BCAS3: variants seen among roughly 807,000 people sequenced by gnomAD.
BCAS3 encodes the protein BCAS3 microtubule associated cell migration factor.
BCAS3 carries 53 observed loss-of-function variants against 116.1 expected under a neutral mutation model. The ratio of observed to expected loss-of-function variants is 0.46; its 90% CI spans 0.37 to 0.57. The LOEUF is 0.57. Ranked by LOEUF, BCAS3 falls within the 20% of genes least tolerant of loss-of-function variation. The probability of loss-of-function intolerance (pLI) is 0.00; values close to 1 mark genes in which losing one functional copy is unlikely to be tolerated. For missense variants in BCAS3, 917 were observed against 1,165.4 expected, an observed-to-expected ratio of 0.79 and a Z score of 3.10; for synonymous variants, 391 against 408.2, an observed-to-expected ratio of 0.96 and a Z score of 0.51.
intron 19 of BCAS3, among the ~76,000 whole-genome samples, chr17:61,044,465 A>AATATATATATATATATATATAT (rs1555683922): frequency 4.2e-5 from 5 of 120,114 alleles, no homozygotes; most frequent in African/African-American, 2.5e-4. Flanking sequence ...AAAAAAAAAA[A>AATATATATATATATATATATAT]ATATATATAT....
chr17:61,023,426 T>G lies in BCAS3; in HGVS notation c.1637+7525T>G, dbSNP rs980645714. On this transcript the variant is annotated intron_variant, in intron 16 of 23. Coordinates refer to ENST00000407086, the MANE Select transcript of BCAS3 (RefSeq NM_017679.5). The surrounding 1 kb of genome is among the most constrained non-coding windows in gnomAD (Gnocchi z 4.8). Reference sequence around the variant, plus strand: ...AGGTTTATAGAGTATGTTTATAAAATTTGTCTCTTAGATGCCACGTACTTC... The same window carrying G: ...AGGTTTATAGAGTATGTTTATAAAAGTTGTCTCTTAGATGCCACGTACTTC... Among the ~76,000 whole-genome samples the G allele has an allele frequency of 6.6e-6, 1 of 152,190 alleles. No homozygotes were observed. Among genetic ancestry groups the G allele is most frequent in the East Asian group, 1.9e-4 (1 of 5,198 alleles).
At position 61,056,382 on chromosome 17, in the gene BCAS3, G is replaced by A. The variant is rs948947704; in HGVS notation, c.2029+15490G>A. Among the ~76,000 whole-genome samples the A allele has an allele frequency of 3.3e-5, 5 of 152,254 alleles. No homozygotes were observed. The highest frequency in any genetic ancestry group is 1.2e-4 in the African/African-American group (5 of 41,548). Reference sequence around the variant, plus strand: ...GAAGTCAGTAATTTACTTGAAATATGTTGGGACAGGAAAAATAAAAGACTG... The same window carrying A: ...GAAGTCAGTAATTTACTTGAAATATATTGGGACAGGAAAAATAAAAGACTG... On this transcript the variant is annotated intron_variant, in intron 19 of 23. Transcript: ENST00000407086. This position sits in a 1 kb window ranked among gnomAD's most constrained non-coding sequence, Gnocchi z 4.9.
chr17:60,891,905 A>G (rs958328003), intron 10 of BCAS3, among the ~76,000 whole-genome samples: 2 of 151,730 alleles, frequency 1.3e-5, no homozygotes, highest in Non-Finnish European at 2.9e-5. Context: ...GCTATTTTTG[A>G]TTTTCTGTTT....
intron 22 of BCAS3, among the ~76,000 whole-genome samples, chr17:61,329,491 C>T (rs2056064375): frequency 6.6e-6 from 1 of 151,950 alleles, no homozygotes; most frequent in Non-Finnish European, 1.5e-5. Context: ...CAGGCGCCCG[C>T]CACCACGCCC....
chr17:61,268,910 AG>A (rs753313547), intron 22 of BCAS3, among the ~76,000 whole-genome samples: 37 of 152,026 alleles, frequency 2.4e-4, no homozygotes, highest in Non-Finnish European at 4.9e-4. Flanking sequence ...TGTCCTCAAG[AG>A]TCATCCATGT....
chr17:61,084,319 G>A lies in BCAS3; in HGVS notation c.2328-148G>A, dbSNP rs2072904936. 1.6e-6 allele frequency: 1 copy of A among 610,462 alleles called. No homozygotes were observed. The highest frequency in any genetic ancestry group is 2.8e-6 in the Non-Finnish European group (1 of 352,510). 37.8% of individuals were successfully genotyped at this position (610,462 alleles called of 1,614,324 possible). ...GTTTTATCCTTGTGCAGCAATTAGG[G>A]ACTGCAGCTCCCCTGTTTGTCTTGT... On this transcript the variant is annotated intron_variant, in intron 21 of 23. Coordinates refer to ENST00000407086, the MANE Select transcript of BCAS3 (RefSeq NM_017679.5). This position sits in a 1 kb window ranked among gnomAD's most constrained non-coding sequence, Gnocchi z 5.5.
rs112690345 is a variant in BCAS3, at chr17:61,080,904, A to G, written c.2327+2375A>G. On this transcript the variant is annotated intron_variant, in intron 21 of 23. Coordinates refer to ENST00000407086, the MANE Select transcript of BCAS3 (RefSeq NM_017679.5). ...TCTGCATTTTTTTTGTTCCAGCATA[A>G]TTCCTCCAGCTTTCTAAAAATGACA... is the stretch of plus-strand genomic sequence containing the variant. Among the ~76,000 whole-genome samples, 219 of 152,274 alleles carry G rather than the reference A, an allele frequency of 1.4e-3. 1 individual carries two copies. The highest frequency in any genetic ancestry group is 4.5e-3 in the African/African-American group (188 of 41,558).
At position 61,346,123 on chromosome 17, in the gene BCAS3, T is replaced by A. The variant is rs2057490944; in HGVS notation, c.2426-22204T>A. 6.6e-6 allele frequency among the ~76,000 whole-genome samples: 1 copy of A among 152,132 alleles called. No individual in the cohort carries two copies. The highest frequency in any genetic ancestry group is 1.5e-5 in the Non-Finnish European group (1 of 68,030). On this transcript the variant is annotated intron_variant, in intron 22 of 23. Transcript: ENST00000407086. This position sits in a 1 kb window ranked among gnomAD's most constrained non-coding sequence, Gnocchi z 5.4. ...AACAGCGGGGTAGGTGCCATAATCC[T>A]TGTTGAAGTCGAGGAGTTGACTTAG...
intron 22 of BCAS3, among the ~76,000 whole-genome samples, chr17:61,184,993 T>C: frequency 6.6e-6 from 1 of 152,150 alleles, no homozygotes; most frequent in African/African-American, 2.4e-5. Flanking sequence ...GATGGAAATA[T>C]TCTATATCTT....
Position 61,019,134 on chromosome 17 carries a change from C to T in BCAS3, c.1637+3233C>T, listed in dbSNP as rs547742583. Among the ~76,000 whole-genome samples, 48 of 152,298 alleles carry T rather than the reference C, an allele frequency of 3.2e-4. No homozygotes were observed. The highest frequency in any genetic ancestry group is 4.9e-4 in the Non-Finnish European group (33 of 68,034). On this transcript the variant is annotated intron_variant, in intron 16 of 23. Transcript: ENST00000407086. This position sits in a 1 kb window ranked among gnomAD's most constrained non-coding sequence, Gnocchi z 5.6. ...GTCCCTGGCCTGTTAGGAACTGAGC[C>T]GCACAGCAGGAGGTGAACAACAGGC...
At chr17:60,777,691 C>T (rs2045442190) in intron 6 of BCAS3, among the ~76,000 whole-genome samples, 1 of 152,070 alleles carries the variant, frequency 6.6e-6, no homozygotes, top group South Asian at 2.1e-4. Flanking sequence ...ACCCTCTCTC[C>T]ATGTGGCATT....
At chr17:60,976,997 C>T (rs1045294494) in intron 14 of BCAS3, among the ~76,000 whole-genome samples, 1 of 152,100 alleles carries the variant, frequency 6.6e-6, no homozygotes, top group Non-Finnish European at 1.5e-5. Flanking sequence ...GGGCTCCTCA[C>T]TTCCCAGACG....
At chr17:60,903,578 G>A (rs532618624) in intron 11 of BCAS3, among the ~76,000 whole-genome samples, 5 of 152,290 alleles carry the variant, frequency 3.3e-5, no homozygotes, top group African/African-American at 1.2e-4. Flanking sequence ...CTTCCAAGTA[G>A]CTGGGACTAC....
intron 9 of BCAS3, among the ~76,000 whole-genome samples, chr17:60,882,831 T>C: frequency 6.9e-6 from 1 of 143,900 alleles, no homozygotes; most frequent in Non-Finnish European, 1.5e-5. Flanking sequence ...ACCATGCTGT[T>C]TTGGTTACTG....
intron 11 of BCAS3, among the ~76,000 whole-genome samples, chr17:60,904,177 G>C (rs1331940408): frequency 6.6e-6 from 1 of 152,138 alleles, no homozygotes; most frequent in Non-Finnish European, 1.5e-5. Flanking sequence ...AGGCTGAGGT[G>C]GGCGGATCAT....
rs76083576 is a variant in BCAS3, at chr17:60,822,200, G to A, written c.476+14124G>A. ...TGGTTGTACAATTTTACATCTACAAGTGGTGTATGAAATTTCCAGTTTTTC... is the reference window on the plus strand; with the variant it reads ...TGGTTGTACAATTTTACATCTACAAATGGTGTATGAAATTTCCAGTTTTTC... On this transcript the variant is annotated intron_variant, in intron 7 of 23. Coordinates refer to ENST00000407086, the MANE Select transcript of BCAS3 (RefSeq NM_017679.5). Among the ~76,000 whole-genome samples the A allele has an allele frequency of 1.4e-3, 217 of 152,322 alleles. 1 individual carries two copies. The highest frequency in any genetic ancestry group is 5.0e-3 in the African/African-American group (208 of 41,562).
At chr17:60,910,482 A>T in intron 11 of BCAS3, 50 bp from the exon 12 acceptor site, 1 of 1,395,764 alleles carries the variant, frequency 7.2e-7, no homozygotes, top group Non-Finnish European at 9.6e-7. Context: ...ATTTCTATGT[A>T]GAATCCAAAT....
At chr17:60,759,378 G>A (rs2043293624) in intron 6 of BCAS3, among the ~76,000 whole-genome samples, 1 of 152,184 alleles carries the variant, frequency 6.6e-6, no homozygotes, top group South Asian at 2.1e-4. Flanking sequence ...ATACGTGCCT[G>A]TTAGGTCTGT....
intron 19 of BCAS3, among the ~76,000 whole-genome samples, chr17:61,055,332 T>G (rs2069266881): frequency 6.6e-6 from 1 of 152,242 alleles, no homozygotes. Flanking sequence ...GGGTGACTAT[T>G]TGTATTTGTC....
Sources: allele counts gnomAD v4.1 joint callset (sites outside exome capture counted in the v4.1 genomes callset), GRCh38; gene constraint gnomAD v4.1.1; non-coding constraint Gnocchi (gnomAD v3.1); transcripts MANE v1.5; gene names NCBI Gene and HGNC (gene_info 2026-07-23, HGNC 2026-07-21).